The following AGBL1 variants were observed in gnomAD, a reference collection of about 807,000 sequenced individuals.
The protein encoded by AGBL1 is AGBL carboxypeptidase 1.
In AGBL1, 130 loss-of-function variants were observed where a neutral mutation model predicts 118.9. The ratio of observed to expected loss-of-function variants is 1.09; its 90% confidence interval spans 0.95 to 1.26. AGBL1 has a LOEUF of 1.26. Ranked by LOEUF, AGBL1 falls within the 50% of genes most tolerant of loss-of-function variation. AGBL1 has a pLI of 0.00. For missense variants in AGBL1, 1,584 were observed against 1,298.1 expected (o/e 1.22, Z -3.38); for synonymous variants, 555 against 478.9 (o/e 1.16, Z -2.08).
intron 22 of AGBL1, among the ~76,000 whole-genome samples, chr15:86,814,192 A>G (rs2078829428): frequency 6.6e-6 from 1 of 152,214 alleles, no homozygotes; most frequent in Non-Finnish European, 1.5e-5. Flanking sequence ...CAGCGGCAGC[A>G]CTGGAGTCTT....
At chr15:86,581,405 A>G (rs2084170301) in intron 21 of AGBL1, among the ~76,000 whole-genome samples, 1 of 152,136 alleles carries the variant, frequency 6.6e-6, no homozygotes, top group South Asian at 2.1e-4. Flanking sequence ...AACATTTCTT[A>G]TAAGTTTTCT....
chr15:86,738,632 C>T (rs1371245330), intron 22 of AGBL1, among the ~76,000 whole-genome samples: 1 of 152,092 alleles, frequency 6.6e-6, no homozygotes, highest in East Asian at 1.9e-4. Context: ...GCATTATTGC[C>T]AATATTCTGG....
chr15:86,168,913 A>G (rs1345918872), intron 5 of AGBL1, among the ~76,000 whole-genome samples: 1 of 152,172 alleles, frequency 6.6e-6, no homozygotes, highest in East Asian at 1.9e-4. Flanking sequence ...CTCTTTGTGA[A>G]TTACATATTC....
At chr15:86,451,669 T>C (rs941433760) in intron 18 of AGBL1, among the ~76,000 whole-genome samples, 1 of 152,162 alleles carries the variant, frequency 6.6e-6, no homozygotes, top group Non-Finnish European at 1.5e-5. Flanking sequence ...CAAGAGCAGT[T>C]CATGTCCCCT....
chr15:86,755,754 C>A (rs1159315881), intron 22 of AGBL1, among the ~76,000 whole-genome samples: 1 of 152,080 alleles, frequency 6.6e-6, no homozygotes. Flanking sequence ...TAGTTCTTCC[C>A]AGCTATTCTT....
chr15:86,565,164 T>C (rs2083893998), intron 21 of AGBL1, among the ~76,000 whole-genome samples: 1 of 152,250 alleles, frequency 6.6e-6, no homozygotes, highest in African/African-American at 2.4e-5. Flanking sequence ...CTTTGTTCCA[T>C]TGCTGGCGAG....
chr15:86,878,215 G>T (rs2079840874), intron 22 of AGBL1, among the ~76,000 whole-genome samples: 2 of 152,120 alleles, frequency 1.3e-5, no homozygotes, highest in African/African-American at 4.8e-5. Flanking sequence ...TTTGTTCCTG[G>T]GCTGGGCTTG....
intron 22 of AGBL1, among the ~76,000 whole-genome samples, chr15:86,846,612 A>T (rs1481584830): frequency 6.6e-6 from 1 of 152,018 alleles, no homozygotes; most frequent in Non-Finnish European, 1.5e-5. Context: ...GCTCACTGCA[A>T]CCTCTGCCTC....
At chr15:86,484,429 TAAAG>T (rs765008797) in intron 18 of AGBL1, among the ~76,000 whole-genome samples, 32 of 151,990 alleles carry the variant, frequency 2.1e-4, no homozygotes, top group Non-Finnish European at 3.8e-4. Flanking sequence ...CAGATGAACA[TAAAG>T]AAAAAACAGA....
At chr15:86,708,491 A>G (rs2086493868) in intron 22 of AGBL1, among the ~76,000 whole-genome samples, 2 of 152,154 alleles carry the variant, frequency 1.3e-5, no homozygotes, top group Admixed American at 1.3e-4. Context: ...GTGAGAAAAC[A>G]AATTGCTATT....
intron 22 of AGBL1, among the ~76,000 whole-genome samples, chr15:86,802,806 C>T (rs1278307036): frequency 1.3e-5 from 2 of 152,062 alleles, no homozygotes; most frequent in East Asian, 1.9e-4. Flanking sequence ...TAAACTGAAC[C>T]TCAGTCATCC....
intron 18 of AGBL1, among the ~76,000 whole-genome samples, chr15:86,401,267 G>C (rs1172591210): frequency 6.6e-6 from 1 of 152,042 alleles, no homozygotes; most frequent in Non-Finnish European, 1.5e-5. Flanking sequence ...TTTGAGAACT[G>C]TCTATTCGTG....
At chr15:86,480,206 C>T (rs759396120) in intron 18 of AGBL1, among the ~76,000 whole-genome samples, 24 of 152,004 alleles carry the variant, frequency 1.6e-4, no homozygotes, top group Non-Finnish European at 3.2e-4. Flanking sequence ...GCACATGCAC[C>T]CTAGGACTTA....
intron 23 of AGBL1, among the ~76,000 whole-genome samples, chr15:86,958,721 C>A (rs2080959005): frequency 6.6e-6 from 1 of 152,034 alleles, no homozygotes; most frequent in Admixed American, 6.6e-5. Flanking sequence ...CAAATGTATT[C>A]AAAGGGATAG....
chr15:86,253,236 C>G (rs1054265599), intron 7 of AGBL1, among the ~76,000 whole-genome samples: 1 of 152,058 alleles, frequency 6.6e-6, no homozygotes, highest in Admixed American at 6.6e-5. Context: ...TTGAATTTTA[C>G]TTCCATCAAC....
intron 17 of AGBL1, among the ~76,000 whole-genome samples, chr15:86,298,201 C>G (rs1221908569): frequency 7.7e-6 from 1 of 129,492 alleles, no homozygotes; most frequent in African/African-American, 2.9e-5. Context: ...ACAGTTTCAG[C>G]AGGGCTACAT....
At chr15:86,881,453 A>G (rs2079890793) in intron 22 of AGBL1, among the ~76,000 whole-genome samples, 1 of 152,282 alleles carries the variant, frequency 6.6e-6, no homozygotes, top group African/African-American at 2.4e-5. Flanking sequence ...AGCTGCTTTT[A>G]TGAAAACAGT....
chr15:86,904,200 G>A (rs1027510821), intron 22 of AGBL1, among the ~76,000 whole-genome samples: 1 of 152,146 alleles, frequency 6.6e-6, no homozygotes, highest in African/African-American at 2.4e-5. Flanking sequence ...GCTCTCAGCT[G>A]TTCCAGCTCC....
intron 22 of AGBL1, among the ~76,000 whole-genome samples, chr15:86,736,841 AT>A (rs952018911): frequency 1.0e-3 from 159 of 151,970 alleles, no homozygotes; most frequent in African/African-American, 3.8e-3. Flanking sequence ...TCAGCCTCTT[AT>A]TTTTTTCTCT....
Sources: gnomAD v4.1 joint callset for allele counts (sites outside exome capture counted in the v4.1 genomes callset) on GRCh38, gnomAD v4.1.1 for gene constraint, MANE v1.5 for transcripts, NCBI Gene and HGNC (gene_info 2026-07-23, HGNC 2026-07-21) for gene names.